URGCP: variants seen among roughly 807,000 people sequenced by gnomAD.
URGCP encodes up-regulator of cell proliferation.
URGCP carries 13 observed loss-of-function variants against 24.6 expected under a neutral mutation model. The ratio of observed to expected loss-of-function variants is 0.53; its 90% CI spans 0.34 to 0.84. URGCP has a LOEUF of 0.84. Ranked by LOEUF, URGCP falls within the 40% of genes least tolerant of loss-of-function variation. URGCP has a pLI of 0.01. For missense variants in URGCP, 899 were observed against 1,194.3 expected, an observed-to-expected ratio of 0.75 and a Z score of 3.64; for synonymous variants, 444 against 487.2, an observed-to-expected ratio of 0.91 and a Z score of 1.17.
chr7:43,906,030 G>C (rs2095901531), intron 1 of URGCP: 1 of 152,180 alleles, frequency 6.6e-6, no homozygotes, highest in Non-Finnish European at 1.5e-5. Context: ...GCGGCTCTCC[G>C]GCTGTCAGCA....
intron 1 of URGCP, chr7:43,919,640 C>T (rs1376749729): frequency 1.5e-6 from 2 of 1,378,486 alleles, no homozygotes; most frequent in East Asian, 2.3e-5. Context: ...GCCAGACCAA[C>T]CACTCCTACA....
chr7:43,891,761 T>C (rs1347538663), intron 1 of URGCP, among the ~76,000 whole-genome samples: 1 of 152,084 alleles, frequency 6.6e-6, no homozygotes, highest in East Asian at 1.9e-4. Flanking sequence ...GATTACAGCA[T>C]GCGCTACCAC....
intron 1 of URGCP, among the ~76,000 whole-genome samples, chr7:43,893,770 C>T (rs2095874437): frequency 6.6e-6 from 1 of 152,156 alleles, no homozygotes. Flanking sequence ...ACTTGGGAGG[C>T]CGAGGCAGGA....
intron 1 of URGCP, among the ~76,000 whole-genome samples, chr7:43,921,948 A>G (rs904661693): frequency 6.6e-6 from 1 of 151,878 alleles, no homozygotes; most frequent in South Asian, 2.1e-4. Flanking sequence ...GTTGGAATGC[A>G]GTGGCACGAT....
chr7:43,878,098 G>C lies in URGCP; in HGVS notation c.1365C>G (p.Ala455=), dbSNP rs747106115. ...RVSVEDMAHA[A]RKLGLKVDED... ...CGTCGACCTTTAGGCCCAGTTTGCGGGCTGCGTGCGCCATGTCCTCCACAG... is the reference window on the plus strand; with the variant it reads ...CGTCGACCTTTAGGCCCAGTTTGCGCGCTGCGTGCGCCATGTCCTCCACAG... The change falls in exon 6 of 6, where the codon GCC becomes GCG. Residue 455 remains alanine, a synonymous_variant. Coordinates refer to ENST00000453200, the MANE Select transcript of URGCP (RefSeq NM_001077663.3). This position sits in a 1 kb window ranked among gnomAD's most constrained non-coding sequence, Gnocchi z 5.6. The C allele has an allele frequency of 6.2e-7, 1 of 1,614,208 alleles. No homozygotes were observed. Among genetic ancestry groups the C allele is most frequent in the Admixed American group, 1.7e-5 (1 of 60,020 alleles).
chr7:43,897,422 T>C (rs2095880644), intron 1 of URGCP, among the ~76,000 whole-genome samples: 1 of 151,842 alleles, frequency 6.6e-6, no homozygotes, highest in Non-Finnish European at 1.5e-5. Context: ...GCCGCAGGCA[T>C]AGCCGGGGCA....
Position 43,919,223 on chromosome 7 carries a change from C to T in URGCP, c.-116+6909G>A, listed in dbSNP as rs975841281. On this transcript the variant is annotated intron_variant, in intron 1 of 5. Coordinates refer to the URGCP transcript ENST00000426198. ...CATACTCAGTGTTTCCCAACCAGGA[C>T]AAGATGAGCAACGTGGTGGTCCAGC... The T allele has an allele frequency of 1.5e-5, 13 of 866,672 alleles. No homozygotes were observed. The South Asian group carries it at 1.7e-4, about 11-fold the overall frequency. The allele number at this position is 866,672 out of a possible 1,614,324, so 53.7% of individuals were successfully genotyped here. A position where few individuals can be genotyped will look rare whatever the true frequency, so the allele number is the denominator to read the frequency against.
At chr7:43,918,479 C>G (rs551665565) in intron 1 of URGCP, among the ~76,000 whole-genome samples, 3 of 151,870 alleles carry the variant, frequency 2.0e-5, no homozygotes, top group Non-Finnish European at 4.4e-5. Context: ...TGGGGTTTCA[C>G]CATGTTGGCC....
At chr7:43,896,952 G>A (rs2095879551) in intron 1 of URGCP, among the ~76,000 whole-genome samples, 1 of 151,910 alleles carries the variant, frequency 6.6e-6, no homozygotes, top group Non-Finnish European at 1.5e-5. Context: ...TTTATTGCTA[G>A]GAACCTTTCT....
At chr7:43,885,176 C>G (rs1329842416) in intron 3 of URGCP, among the ~76,000 whole-genome samples, 1 of 151,522 alleles carries the variant, frequency 6.6e-6, no homozygotes, top group Non-Finnish European at 1.5e-5. Context: ...TCCCGGCTCA[C>G]AGAAACCTCC....
intron 1 of URGCP, among the ~76,000 whole-genome samples, chr7:43,913,429 A>T (rs1422999455): frequency 6.6e-6 from 1 of 151,624 alleles, no homozygotes; most frequent in African/African-American, 2.4e-5. Context: ...CGTGTTAGCC[A>T]GGATGGTCTT....
chr7:43,913,542 T>C (rs1401923350), intron 1 of URGCP, among the ~76,000 whole-genome samples: 1 of 152,022 alleles, frequency 6.6e-6, no homozygotes, highest in East Asian at 1.9e-4. Flanking sequence ...CTTTAAGCAC[T>C]TTAAATATAT....
chr7:43,914,995 G>A (rs1336031990), intron 1 of URGCP, among the ~76,000 whole-genome samples: 1 of 152,202 alleles, frequency 6.6e-6, no homozygotes, highest in African/African-American at 2.4e-5. Flanking sequence ...GCGCACTGAA[G>A]AATGGGGGTG....
upstream of URGCP, among the ~76,000 whole-genome samples, chr7:43,909,255 ATATG>A (rs1272021591): frequency 6.6e-6 from 1 of 152,186 alleles, no homozygotes; most frequent in African/African-American, 2.4e-5. Context: ...ACATACACAC[ATATG>A]TATACATATA....
intron 1 of URGCP, among the ~76,000 whole-genome samples, chr7:43,899,759 C>T (rs1385892180): frequency 3.3e-5 from 5 of 152,176 alleles, no homozygotes; most frequent in African/African-American, 1.2e-4. Context: ...TAGGTCCCTA[C>T]CACTTCATTC....
At chr7:43,924,528 A>G (rs971074556) in intron 1 of URGCP, among the ~76,000 whole-genome samples, 2 of 152,214 alleles carry the variant, frequency 1.3e-5, no homozygotes, top group African/African-American at 4.8e-5. Context: ...CACTTGTTTT[A>G]TGGGGAGGGA....
intron 5 of URGCP, among the ~76,000 whole-genome samples, chr7:43,880,094 T>A (rs1234718339): frequency 6.6e-6 from 1 of 152,100 alleles, no homozygotes; most frequent in Non-Finnish European, 1.5e-5. Context: ...CAGCTCATCC[T>A]TGTATTTTTT....
intron 1 of URGCP, among the ~76,000 whole-genome samples, chr7:43,898,744 C>CAAAA (rs1446054715): frequency 2.4e-4 from 32 of 131,898 alleles, no homozygotes; most frequent in African/African-American, 9.9e-4. Flanking sequence ...GACCCTGTCT[C>CAAAA]AAAAATAAAT....
In URGCP at chr7:43,877,082, T is replaced by C. The variant is rs751290111; in HGVS notation, c.2381A>G (p.Asp794Gly). The C allele has an allele frequency of 5.6e-6, 9 of 1,614,256 alleles. No homozygotes were observed. The South Asian group carries it at 9.9e-5, about 18-fold the overall frequency. The part of the protein sequence containing the change: ...VTVISLAETK[D>G]IPAAILHAFL... ...TGCATGCAGAATAGCTGCTGGAATG[T>C]CCTTGGTTTCAGCTAGACTGATCAC... is the stretch of plus-strand genomic sequence containing the variant. Residue 794 changes from aspartate (D) to glycine (G), a missense_variant, in exon 6 of 6, where the codon GAC (aspartate) becomes GGC (glycine). Physicochemically the swap from Asp to Gly is moderately conservative, Grantham distance 94. Transcript: ENST00000453200.
Sources: allele counts gnomAD v4.1 joint callset (sites outside exome capture counted in the v4.1 genomes callset), GRCh38; gene constraint gnomAD v4.1.1; non-coding constraint Gnocchi (gnomAD v3.1); transcripts MANE v1.5; gene names NCBI Gene and HGNC (gene_info 2026-07-23, HGNC 2026-07-21).